NRIP1: variants seen among roughly 807,000 people sequenced by gnomAD.
NRIP1 encodes nuclear receptor interacting protein 1, also known as nuclear receptor-interacting protein 1.
NRIP1 carries 28 observed loss-of-function variants against 75.0 expected under a neutral mutation model. The ratio of observed to expected loss-of-function variants is 0.37; its 90% CI spans 0.28 to 0.51. The LOEUF (loss-of-function observed/expected upper bound fraction) is 0.51, where lower values mean the gene tolerates loss of function less well. Among genes scored for constraint, NRIP1 ranks in the 20% least tolerant of loss-of-function variants. NRIP1 has a pLI of 0.92. For synonymous variants in NRIP1, 526 were observed against 487.6 expected (o/e 1.08, Z -1.04); for missense variants, 1,435 against 1,343.7 (o/e 1.07, Z -1.06).
chr21:14,971,429 T>C (rs1399060069), intron 3 of NRIP1: 5 of 152,330 alleles, frequency 3.3e-5, no homozygotes, highest in South Asian at 2.1e-4. Context: ...ATTCTAAATA[T>C]TCAATTGTTT....
intron 2 of NRIP1, among the ~76,000 whole-genome samples, chr21:15,040,513 G>A (rs906908821): frequency 5.9e-5 from 9 of 152,024 alleles, no homozygotes; most frequent in Admixed American, 3.3e-4. Context: ...CACAAGAAAC[G>A]CTTGTCAGGA....
chr21:15,024,011 T>C (rs187947640), intron 2 of NRIP1, among the ~76,000 whole-genome samples: 17 of 152,284 alleles, frequency 1.1e-4, no homozygotes, highest in African/African-American at 3.8e-4. Flanking sequence ...ATATAAACAA[T>C]AAATTCCAGA....
chr21:14,980,180 A>G (rs1330162123), intron 3 of NRIP1, among the ~76,000 whole-genome samples: 1 of 152,196 alleles, frequency 6.6e-6, no homozygotes, highest in African/African-American at 2.4e-5. Context: ...TGATTCTTAA[A>G]GGAATATATT....
intron 2 of NRIP1, among the ~76,000 whole-genome samples, chr21:15,037,640 T>C (rs2088865224): frequency 1.3e-5 from 2 of 151,386 alleles, no homozygotes; most frequent in African/African-American, 4.9e-5. Context: ...GATGGCCTTT[T>C]GGTAAAAGAA....
At chr21:15,026,697 A>G (rs901154929) in intron 2 of NRIP1, among the ~76,000 whole-genome samples, 2 of 152,300 alleles carry the variant, frequency 1.3e-5, no homozygotes, top group East Asian at 3.8e-4. Context: ...AATAACAAAC[A>G]AACGAAAGGA....
At chr21:15,044,191 G>C (rs2089020694) in intron 1 of NRIP1, among the ~76,000 whole-genome samples, 1 of 151,842 alleles carries the variant, frequency 6.6e-6, no homozygotes, top group African/African-American at 2.4e-5. Context: ...TAATGTCAAA[G>C]ATAAAGAGGA....
chr21:15,027,599 T>G (rs891043277), intron 2 of NRIP1, among the ~76,000 whole-genome samples: 1 of 152,302 alleles, frequency 6.6e-6, no homozygotes, highest in East Asian at 1.9e-4. Flanking sequence ...CTAATTCATA[T>G]CTACCACCAC....
chr21:15,048,287 G>T (rs1348426219), intron 1 of NRIP1, among the ~76,000 whole-genome samples: 10 of 152,164 alleles, frequency 6.6e-5, no homozygotes, highest in Admixed American at 6.5e-4. Context: ...ATGCAGGGCT[G>T]CCACAAACCT....
chr21:15,004,775 T>C (rs2087926501), intron 3 of NRIP1, among the ~76,000 whole-genome samples: 1 of 152,254 alleles, frequency 6.6e-6, no homozygotes, highest in Non-Finnish European at 1.5e-5. Flanking sequence ...ACCTGAATGA[T>C]ACGTGCTGTT....
intron 1 of NRIP1, among the ~76,000 whole-genome samples, chr21:15,055,447 T>C (rs1364240294): frequency 6.6e-6 from 1 of 152,212 alleles, no homozygotes; most frequent in East Asian, 1.9e-4. Context: ...ATTCTCAGCC[T>C]GGAAATTACA....
intron 3 of NRIP1, among the ~76,000 whole-genome samples, chr21:14,997,877 G>A (rs2147102908): frequency 6.6e-6 from 1 of 152,138 alleles, no homozygotes; most frequent in South Asian, 2.1e-4. Context: ...GTGTAAAGAG[G>A]TGAAATAATT....
At chr21:15,065,084 C>A, upstream of NRIP1, 1 of 154,656 alleles carries the variant, frequency 6.5e-6, no homozygotes, top group Non-Finnish European at 1.4e-5. Context: ...GCGGCCCAGT[C>A]CCTCCCCTCG....
At chr21:15,060,263 C>T (rs1018477215) in intron 1 of NRIP1, among the ~76,000 whole-genome samples, 5 of 152,060 alleles carry the variant, frequency 3.3e-5, no homozygotes, top group African/African-American at 1.2e-4. Flanking sequence ...CTTCAGAATC[C>T]TATACATTCA....
chr21:15,061,064 A>C (rs1482683533), intron 1 of NRIP1, among the ~76,000 whole-genome samples: 2 of 152,198 alleles, frequency 1.3e-5, no homozygotes, highest in African/African-American at 4.8e-5. Context: ...AAAAAACTAC[A>C]ACTTAAGGAA....
intron 1 of NRIP1, among the ~76,000 whole-genome samples, chr21:15,059,207 T>C (rs1320214666): frequency 6.6e-6 from 1 of 152,204 alleles, no homozygotes; most frequent in Non-Finnish European, 1.5e-5. Context: ...TCTAGTTTAA[T>C]ATTTATTGGA....
At chr21:15,030,797 T>C (rs1395020191) in intron 2 of NRIP1, among the ~76,000 whole-genome samples, 3 of 150,096 alleles carry the variant, frequency 2.0e-5, no homozygotes, top group Non-Finnish European at 4.4e-5. Flanking sequence ...TAAGTTAAAA[T>C]AGATCACGAC....
At position 15,064,578 on chromosome 21, in the gene NRIP1, C is replaced by T. The variant is rs534239044; in HGVS notation, c.-538+167G>A. On this transcript the variant is annotated intron_variant, in intron 1 of 3. Coordinates refer to ENST00000318948, the MANE Select transcript of NRIP1 (RefSeq NM_003489.4). ...CCCCGCGAGAACCCGGAGACTCGAA[C>T]CAGGCAGCAGAGGCAGGATTTCCCC... is the stretch of plus-strand genomic sequence containing the variant. Among the ~76,000 whole-genome samples, 1,094 of 151,458 alleles carry T rather than the reference C, an allele frequency of 7.2e-3. 14 individuals carry two copies. The highest frequency in any genetic ancestry group is 0.024 in the African/African-American group (995 of 41,360).
chr21:14,962,922 T>A lies in NRIP1; in HGVS notation c.*1794A>T, dbSNP rs143756260. ...TAACTAGTAGTGATTATAGAATAAT[T>A]TTTGATAGGTCATTTGCTAACCTGG... On this transcript the variant is annotated 3_prime_UTR_variant, in exon 4 of 4. Coordinates refer to ENST00000318948, the MANE Select transcript of NRIP1 (RefSeq NM_003489.4). 9.7e-4 allele frequency: 148 copies of A among 152,522 alleles called. No homozygotes were observed. The highest frequency in any genetic ancestry group is 3.4e-3 in the African/African-American group (143 of 41,524). The allele number at this position is 152,522 out of a possible 1,614,324, so 9.4% of individuals were successfully genotyped here. A position where few individuals can be genotyped will look rare whatever the true frequency, so the allele number is the denominator to read the frequency against.
upstream of NRIP1, among the ~76,000 whole-genome samples, chr21:15,065,243 G>T (rs957622957): frequency 6.6e-6 from 1 of 152,032 alleles, no homozygotes; most frequent in Non-Finnish European, 1.5e-5. Flanking sequence ...TTTCCTTCTC[G>T]CCTGCTCTCC....
Sources: allele counts gnomAD v4.1 joint callset (sites outside exome capture counted in the v4.1 genomes callset), GRCh38; gene constraint gnomAD v4.1.1; transcripts MANE v1.5; gene names NCBI Gene and HGNC (gene_info 2026-07-23, HGNC 2026-07-21).